CCDC171: variants seen among roughly 807,000 people sequenced by gnomAD.
CCDC171 encodes coiled-coil domain-containing protein 171.
CCDC171 carries 177 observed loss-of-function variants against 168.2 expected under a neutral mutation model. That is an observed-to-expected ratio of 1.05 (90% confidence interval 0.93 to 1.19). CCDC171 has a LOEUF of 1.19. CCDC171 is among the 50% of genes most tolerant of loss of function. The pLI is 0.00. For missense variants in CCDC171, 1,991 were observed against 1,539.0 expected (o/e 1.29, Z -4.91); for synonymous variants, 687 against 540.8 (o/e 1.27, Z -3.75).
At chr9:15,656,801 G>A (rs1376251325) in intron 7 of CCDC171, among the ~76,000 whole-genome samples, 1 of 152,050 alleles carries the variant, frequency 6.6e-6, no homozygotes, top group Non-Finnish European at 1.5e-5. Flanking sequence ...TGATGGAAAT[G>A]TTTCCTGTAT....
intron 7 of CCDC171, among the ~76,000 whole-genome samples, chr9:15,642,493 G>A (rs556376265): frequency 1.3e-5 from 2 of 151,208 alleles, no homozygotes; most frequent in African/African-American, 4.9e-5. Flanking sequence ...CTCCTAGGTG[G>A]TATTGGAAAA....
chr9:15,745,739 TTTTATC>T (rs2134678663), intron 18 of CCDC171, 108 bp downstream of exon 18: 1 of 614,030 alleles, frequency 1.6e-6, no homozygotes, highest in Non-Finnish European at 2.7e-6. Flanking sequence ...ATATATTTGT[TTTTATC>T]TTTATTTTAT....
chr9:15,859,507 C>T (rs1032073638), intron 23 of CCDC171, among the ~76,000 whole-genome samples: 4 of 151,824 alleles, frequency 2.6e-5, no homozygotes, highest in Admixed American at 1.3e-4. Context: ...AGTAAAGCCA[C>T]CTGGTCCTGG....
At chr9:16,079,092 T>G in the CCDC171 span, among the ~76,000 whole-genome samples, 1 of 152,174 alleles carries the variant, frequency 6.6e-6, no homozygotes, top group African/African-American at 2.4e-5. Context: ...AAATCAAGCT[T>G]TTTATTGCAC....
At chr9:15,934,192 C>A (rs1349666756) in intron 25 of CCDC171, among the ~76,000 whole-genome samples, 1 of 151,202 alleles carries the variant, frequency 6.6e-6, no homozygotes, top group Non-Finnish European at 1.5e-5. Flanking sequence ...CCAGGGAGAC[C>A]ACCCTGGGTA....
chr9:15,838,786 C>T (rs1318585585), intron 21 of CCDC171, among the ~76,000 whole-genome samples: 1 of 152,170 alleles, frequency 6.6e-6, no homozygotes, highest in Non-Finnish European at 1.5e-5. Context: ...ACATAAGTGT[C>T]TTCTTACATA....
At chr9:15,791,696 C>A (rs1481674072) in intron 21 of CCDC171, among the ~76,000 whole-genome samples, 1 of 152,094 alleles carries the variant, frequency 6.6e-6, no homozygotes, top group African/African-American at 2.4e-5. Flanking sequence ...AACTCTGCTG[C>A]TGATACCCGG....
At chr9:15,623,744 A>G (rs1564073722) in intron 7 of CCDC171, among the ~76,000 whole-genome samples, 1 of 152,186 alleles carries the variant, frequency 6.6e-6, no homozygotes, top group Non-Finnish European at 1.5e-5. Context: ...AGAAAGCAAC[A>G]CAGGAAAAGT....
intron 3 of CCDC171, among the ~76,000 whole-genome samples, chr9:15,576,824 C>A (rs1341381096): frequency 6.6e-6 from 1 of 152,156 alleles, no homozygotes. Flanking sequence ...TGCATTTTTC[C>A]TTCTGTAGCA....
chr9:16,063,591 C>T (rs754151403), downstream of CCDC171, among the ~76,000 whole-genome samples: 8 of 152,190 alleles, frequency 5.3e-5, no homozygotes, highest in Admixed American at 2.0e-4. Flanking sequence ...GCTGCTGTTA[C>T]GGAAAAGCGA....
At chr9:15,597,636 C>G (rs887546114) in intron 6 of CCDC171, among the ~76,000 whole-genome samples, 11 of 152,146 alleles carry the variant, frequency 7.2e-5, no homozygotes, top group Admixed American at 2.6e-4. Flanking sequence ...CCAGGCTTTC[C>G]TATCAGGATG....
At position 15,903,822 on chromosome 9, in the gene CCDC171, A is replaced by C. The variant is rs553288946; in HGVS notation, c.3601-16448A>C. Among the ~76,000 whole-genome samples, 510 of 152,338 alleles carry C rather than the reference A, an allele frequency of 3.3e-3. 3 individuals are homozygous for C. The highest frequency in any genetic ancestry group is 0.012 in the African/African-American group (479 of 41,584). On this transcript the variant is annotated intron_variant, in intron 24 of 25. Coordinates refer to ENST00000380701, the MANE Select transcript of CCDC171 (RefSeq NM_173550.4). Reference sequence around the variant, plus strand: ...CTAACTAGAATAACCAATGCAGAGGAGTCCTTAATGGACCTTATGGAGCTG... The same window carrying C: ...CTAACTAGAATAACCAATGCAGAGGCGTCCTTAATGGACCTTATGGAGCTG...
At chr9:16,092,870 G>A in the CCDC171 span, among the ~76,000 whole-genome samples, 3 of 152,198 alleles carry the variant, frequency 2.0e-5, no homozygotes, top group Non-Finnish European at 4.4e-5. Context: ...TGAAGCCTCA[G>A]GCCAGCTGGG....
At chr9:16,065,809 G>GGTGTGTGTGTGTGTGTGTGTGT (rs113107786), downstream of CCDC171, among the ~76,000 whole-genome samples, 1 of 144,234 alleles carries the variant, frequency 6.9e-6, no homozygotes, top group East Asian at 2.1e-4. Flanking sequence ...TTGTGTGCAT[G>GGTGTGTGTGTGTGTGTGTGTGT]GTGTGTGTGT....
chr9:15,799,991 A>G lies in CCDC171; in HGVS notation c.3267+15297A>G, dbSNP rs561496018. Among the ~76,000 whole-genome samples, 402 of 152,234 alleles carry G rather than the reference A, an allele frequency of 2.6e-3. 1 individual carries two copies. Among genetic ancestry groups the G allele is most frequent in the African/African-American group, 9.4e-3 (389 of 41,562 alleles). On this transcript the variant is annotated intron_variant, in intron 21 of 25. Transcript: ENST00000380701. ...ATGGCTGCGTAATACTCTATTGTGT[A>G]TAAGTACCACATTTTCTTTATCTGT...
At chr9:15,919,834 C>A (rs1016591513) in intron 24 of CCDC171, among the ~76,000 whole-genome samples, 1 of 151,478 alleles carries the variant, frequency 6.6e-6, no homozygotes, top group Non-Finnish European at 1.5e-5. Flanking sequence ...CCTTTTGTTT[C>A]AAAACATTTG....
At chr9:15,624,107 A>G (rs958063167) in intron 7 of CCDC171, among the ~76,000 whole-genome samples, 4 of 152,184 alleles carry the variant, frequency 2.6e-5, no homozygotes, top group African/African-American at 7.2e-5. Flanking sequence ...TAGAGTTAAC[A>G]CTTATTAAAC....
intron 21 of CCDC171, among the ~76,000 whole-genome samples, chr9:15,845,856 A>T (rs1053453626): frequency 6.6e-6 from 1 of 152,068 alleles, no homozygotes; most frequent in African/African-American, 2.4e-5. Flanking sequence ...TAGAATTTTA[A>T]CTGAGGTCTA....
chr9:15,631,394 C>G (rs2045681585), intron 7 of CCDC171, among the ~76,000 whole-genome samples: 1 of 152,156 alleles, frequency 6.6e-6, no homozygotes, highest in Non-Finnish European at 1.5e-5. Flanking sequence ...GTATAAACAC[C>G]TCTACGCAAA....
Sources: allele counts gnomAD v4.1 joint callset (sites outside exome capture counted in the v4.1 genomes callset), GRCh38; gene constraint gnomAD v4.1.1; transcripts MANE v1.5; gene names NCBI Gene and HGNC (gene_info 2026-07-23, HGNC 2026-07-21).